STK32B: variants seen among roughly 807,000 people sequenced by gnomAD.
The protein encoded by STK32B is serine/threonine-protein kinase 32B.
Under a neutral mutation model 52.6 loss-of-function variants are expected in STK32B, and 43 were observed. The observed-to-expected ratio is 0.82, with a 90% CI of 0.64 to 1.05. STK32B has a LOEUF of 1.05. Among genes scored for constraint, STK32B ranks in the 50% least tolerant of loss-of-function variants. STK32B has a pLI of 0.00. For missense variants in STK32B, 621 were observed against 534.6 expected (o/e 1.16, Z -1.59); for synonymous variants, 238 against 204.3 (o/e 1.17, Z -1.41).
intron 3 of STK32B, among the ~76,000 whole-genome samples, chr4:5,274,747 A>G (rs963700769): frequency 3.3e-5 from 5 of 151,858 alleles, no homozygotes; most frequent in Admixed American, 6.6e-5. Context: ...AAATCTTGCA[A>G]CTGCACTCTT....
At chr4:5,324,741 G>A (rs746653780) in intron 3 of STK32B, among the ~76,000 whole-genome samples, 2 of 151,794 alleles carry the variant, frequency 1.3e-5, no homozygotes, top group Non-Finnish European at 2.9e-5. Context: ...GCTGAGAAGT[G>A]AGTGATGGAC....
At position 5,470,844 on chromosome 4, in the gene STK32B, G is replaced by A. The variant is rs539994621; in HGVS notation, c.1106+2774G>A. 1.2e-4 allele frequency among the ~76,000 whole-genome samples: 18 copies of A among 152,370 alleles called. No individual in the cohort carries two copies. Among genetic ancestry groups the A allele is most frequent in the African/African-American group, 3.6e-4 (15 of 41,588 alleles). On this transcript the variant is annotated intron_variant, in intron 11 of 11. Coordinates refer to ENST00000282908, the MANE Select transcript of STK32B (RefSeq NM_018401.3). The surrounding 1 kb of genome is among the most constrained non-coding windows in gnomAD (Gnocchi z 4.6). ...CATGTTAGAGGCACTGCTGGCACTT[G>A]AGTAGCTGGAAAATTAAATCGAGCA...
At chr4:5,464,334 T>G (rs1336946455) in intron 9 of STK32B, among the ~76,000 whole-genome samples, 1 of 152,238 alleles carries the variant, frequency 6.6e-6, no homozygotes, top group Non-Finnish European at 1.5e-5. Context: ...TGGCCTCCTC[T>G]GGGACATTCC....
At chr4:5,350,888 AAAG>A (rs543134052) in intron 4 of STK32B, among the ~76,000 whole-genome samples, 108 of 152,236 alleles carry the variant, frequency 7.1e-4, no homozygotes, top group African/African-American at 2.6e-3. Context: ...AAAAAGAGAT[AAAG>A]AAGGTCAATA....
chr4:5,051,743 C>A lies in STK32B; in HGVS notation c.-121C>A, dbSNP rs999714166. Reference sequence around the variant, plus strand: ...CACGGTGCTCGGCCCCCTCGGGCTCCGCGCGCGGCTACAACCCGGACTGGG... The same window carrying A: ...CACGGTGCTCGGCCCCCTCGGGCTCAGCGCGCGGCTACAACCCGGACTGGG... On this transcript the variant is annotated 5_prime_UTR_variant, in exon 1 of 12. Transcript: ENST00000282908. 2 of 1,398,950 alleles carry A rather than the reference C, an allele frequency of 1.4e-6. No homozygotes were observed. The highest frequency in any genetic ancestry group is 1.4e-5 in the South Asian group (1 of 72,214). The allele number at this position is 1,398,950 out of a possible 1,614,324, so 86.7% of individuals were successfully genotyped here.
At chr4:5,294,704 C>A (rs1471185866) in intron 3 of STK32B, among the ~76,000 whole-genome samples, 6 of 152,146 alleles carry the variant, frequency 3.9e-5, no homozygotes. Context: ...AATATACAAT[C>A]ATGTCATCTG....
chr4:5,369,820 A>G (rs1445458535), intron 4 of STK32B, among the ~76,000 whole-genome samples: 3 of 152,112 alleles, frequency 2.0e-5, no homozygotes, highest in Non-Finnish European at 4.4e-5. Flanking sequence ...CAGTTTCCAG[A>G]TACAGGCTAA....
intron 3 of STK32B, among the ~76,000 whole-genome samples, chr4:5,195,570 G>T (rs562028412): frequency 9.9e-5 from 15 of 152,270 alleles, no homozygotes; most frequent in Admixed American, 8.5e-4. Context: ...GTGGGTGCCT[G>T]TAATTCCAGC....
At chr4:5,422,887 G>C (rs1712761092) in intron 6 of STK32B, among the ~76,000 whole-genome samples, 1 of 152,180 alleles carries the variant, frequency 6.6e-6, no homozygotes, top group Admixed American at 6.5e-5. Flanking sequence ...CTTTAAGGAT[G>C]TGCTCTGCTG....
intron 11 of STK32B, among the ~76,000 whole-genome samples, chr4:5,488,191 A>AGGAGGC (rs1420220429): frequency 6.6e-6 from 1 of 152,144 alleles, no homozygotes; most frequent in African/African-American, 2.4e-5. Context: ...CCAGCTACTC[A>AGGAGGC]GGAGGCTGAG....
intron 3 of STK32B, among the ~76,000 whole-genome samples, chr4:5,323,088 G>C (rs1241822494): frequency 6.6e-6 from 1 of 152,064 alleles, no homozygotes; most frequent in Non-Finnish European, 1.5e-5. Context: ...ATGAGCAGGG[G>C]GTCTGTGAAG....
chr4:5,224,211 G>A (rs1723721181), intron 3 of STK32B, among the ~76,000 whole-genome samples: 1 of 152,168 alleles, frequency 6.6e-6, no homozygotes, highest in Non-Finnish European at 1.5e-5. Flanking sequence ...GGAGTCCCAG[G>A]GGAGGAATAC....
intron 3 of STK32B, among the ~76,000 whole-genome samples, chr4:5,300,970 T>C (rs1330639945): frequency 2.0e-5 from 3 of 152,126 alleles, no homozygotes; most frequent in Non-Finnish European, 2.9e-5. Flanking sequence ...TATTCCTAGT[T>C]TGTTGAATAT....
the STK32B span, chr4:5,019,535 G>C: frequency 7.6e-7 from 1 of 1,312,470 alleles, no homozygotes; most frequent in Non-Finnish European, 9.8e-7. Context: ...CTTCCTGTGG[G>C]GCCAGCGCAG....
intron 3 of STK32B, among the ~76,000 whole-genome samples, chr4:5,213,026 TA>T (rs1722995899): frequency 6.6e-6 from 1 of 152,204 alleles, no homozygotes; most frequent in Non-Finnish European, 1.5e-5. Flanking sequence ...TGAATTCACT[TA>T]GTTGTATTTA....
intron 6 of STK32B, among the ~76,000 whole-genome samples, chr4:5,431,458 A>G (rs1033630446): frequency 6.6e-6 from 1 of 152,018 alleles, no homozygotes; most frequent in Non-Finnish European, 1.5e-5. Context: ...ACTGATTCTA[A>G]TTCTGTGCTT....
intron 3 of STK32B, among the ~76,000 whole-genome samples, chr4:5,295,959 G>A (rs189374706): frequency 5.9e-5 from 9 of 151,754 alleles, no homozygotes; most frequent in East Asian, 1.9e-4. Flanking sequence ...AGATTCTGGC[G>A]TGTTGTGTCT....
chr4:5,089,237 CAG>C (rs1712913158), intron 1 of STK32B, among the ~76,000 whole-genome samples: 1 of 149,650 alleles, frequency 6.7e-6, no homozygotes, highest in Middle Eastern at 3.2e-3. Flanking sequence ...AAAAAAAAAA[CAG>C]GGATACACAT....
At chr4:5,422,977 A>G (rs139646636) in intron 6 of STK32B, among the ~76,000 whole-genome samples, 1 of 152,284 alleles carries the variant, frequency 6.6e-6, no homozygotes, top group East Asian at 1.9e-4. Flanking sequence ...CATTGTGTGA[A>G]GGGAGAACTT....
Sources: allele counts gnomAD v4.1 joint callset (sites outside exome capture counted in the v4.1 genomes callset), GRCh38; gene constraint gnomAD v4.1.1; non-coding constraint Gnocchi (gnomAD v3.1); transcripts MANE v1.5; gene names NCBI Gene and HGNC (gene_info 2026-07-23, HGNC 2026-07-21).